The following PPP2R2B variants were observed in gnomAD, a reference collection of about 807,000 sequenced individuals.
PPP2R2B encodes the protein protein phosphatase 2 regulatory subunit Bbeta, also known as serine/threonine-protein phosphatase 2A 55 kDa regulatory subunit B beta isoform.
In PPP2R2B, 5 loss-of-function variants were observed where a neutral mutation model predicts 46.0. The ratio of observed to expected loss-of-function variants is 0.11; its 90% CI spans 0.06 to 0.23. The LOEUF is 0.23. Ranked by LOEUF, PPP2R2B falls within the 10% of genes least tolerant of loss-of-function variation. PPP2R2B has a pLI of 1.00. For missense variants in PPP2R2B, 367 were observed against 575.0 expected, an observed-to-expected ratio of 0.64 and a Z score of 3.70; for synonymous variants, 215 against 206.7, an observed-to-expected ratio of 1.04 and a Z score of -0.34.
At chr5:146,990,834 A>G (rs556388525) in intron 1 of PPP2R2B, among the ~76,000 whole-genome samples, 8 of 152,246 alleles carry the variant, frequency 5.3e-5, no homozygotes, top group Admixed American at 2.6e-4. Flanking sequence ...TATTCAGAAT[A>G]TATAAGAAAC....
chr5:146,831,197 A>G (rs1386481775), intron 2 of PPP2R2B, among the ~76,000 whole-genome samples: 1 of 152,170 alleles, frequency 6.6e-6, no homozygotes, highest in African/African-American at 2.4e-5. Flanking sequence ...GTTAACCTTT[A>G]TTAAAAAGTC....
chr5:147,072,739 C>A (rs2151911668), intron 2 of PPP2R2B, among the ~76,000 whole-genome samples: 1 of 152,316 alleles, frequency 6.6e-6, no homozygotes, highest in South Asian at 2.1e-4. Flanking sequence ...TATTGTGCAG[C>A]ACTTTCAAAG....
At chr5:146,651,294 T>C (rs1775940096) in intron 5 of PPP2R2B, among the ~76,000 whole-genome samples, 1 of 152,206 alleles carries the variant, frequency 6.6e-6, no homozygotes, top group Admixed American at 6.5e-5. Context: ...CAATGACATC[T>C]GACTGAGAAA....
chr5:146,706,819 C>A, intron 2 of PPP2R2B: 2 of 928,408 alleles, frequency 2.2e-6, no homozygotes, highest in Non-Finnish European at 1.8e-6. Context: ...TCTCCTCGTA[C>A]TGTACCTTGA....
intron 1 of PPP2R2B, among the ~76,000 whole-genome samples, chr5:147,050,465 A>C (rs1756755040): frequency 6.6e-6 from 1 of 152,178 alleles, no homozygotes; most frequent in Non-Finnish European, 1.5e-5. Context: ...GAAAAATAAG[A>C]ATCCATAAAT....
At chr5:146,688,780 T>C (rs1191806921) in intron 5 of PPP2R2B, among the ~76,000 whole-genome samples, 3 of 152,104 alleles carry the variant, frequency 2.0e-5, no homozygotes, top group Non-Finnish European at 4.4e-5. Flanking sequence ...TAGGATGCCA[T>C]GGACAGTAGG....
chr5:146,892,262 C>G (rs561091192), intron 1 of PPP2R2B, among the ~76,000 whole-genome samples: 1 of 152,236 alleles, frequency 6.6e-6, no homozygotes, highest in African/African-American at 2.4e-5. Context: ...AGCAAATTCT[C>G]TTAACTTTTC....
chr5:146,848,188 T>C (rs1466968167), intron 2 of PPP2R2B, among the ~76,000 whole-genome samples: 3 of 152,214 alleles, frequency 2.0e-5, no homozygotes, highest in Non-Finnish European at 2.9e-5. Flanking sequence ...AGATTTAGAT[T>C]GACAGAAAAA....
intron 2 of PPP2R2B, among the ~76,000 whole-genome samples, chr5:146,757,009 C>T (rs1753875810): frequency 6.6e-6 from 1 of 152,120 alleles, no homozygotes; most frequent in South Asian, 2.1e-4. Context: ...GAATGAAGCT[C>T]TGAGTGAGAG....
chr5:146,997,541 G>C (rs1225882630), intron 1 of PPP2R2B, among the ~76,000 whole-genome samples: 1 of 152,142 alleles, frequency 6.6e-6, no homozygotes, highest in African/African-American at 2.4e-5. Context: ...ACTGGGGATG[G>C]GGCCCAGCAC....
intron 7 of PPP2R2B, among the ~76,000 whole-genome samples, chr5:146,625,317 T>C (rs1241520211): frequency 6.6e-6 from 1 of 151,936 alleles, no homozygotes; most frequent in Non-Finnish European, 1.5e-5. Flanking sequence ...TTTATTATAC[T>C]GTGTGTGTGT....
intron 1 of PPP2R2B, among the ~76,000 whole-genome samples, chr5:146,968,359 A>G (rs1752529347): frequency 1.3e-5 from 2 of 152,214 alleles, no homozygotes; most frequent in Admixed American, 1.3e-4. Flanking sequence ...TACATTTGCT[A>G]AGTATCACCT....
intron 2 of PPP2R2B, among the ~76,000 whole-genome samples, chr5:146,844,591 G>C (rs148494564): frequency 1.3e-5 from 2 of 152,088 alleles, no homozygotes; most frequent in African/African-American, 4.8e-5. Context: ...CTGCATGCCC[G>C]GATCCATTCT....
At chr5:146,788,406 T>A (rs1755981432) in intron 2 of PPP2R2B, among the ~76,000 whole-genome samples, 1 of 151,186 alleles carries the variant, frequency 6.6e-6, no homozygotes, top group Admixed American at 6.6e-5. Context: ...CAACCTACAA[T>A]CTTAACATTA....
At chr5:146,646,047 T>A (rs1048631028) in intron 6 of PPP2R2B, among the ~76,000 whole-genome samples, 16 of 152,350 alleles carry the variant, frequency 1.1e-4, no homozygotes, top group African/African-American at 2.6e-4. Flanking sequence ...GCAGGATTTT[T>A]AAAAATGCAT....
chr5:146,593,837 C>A (rs1770906149), intron 8 of PPP2R2B, among the ~76,000 whole-genome samples: 1 of 152,104 alleles, frequency 6.6e-6, no homozygotes, highest in Non-Finnish European at 1.5e-5. Context: ...GAAGAAGAGA[C>A]CTCACAGAAA....
chr5:146,597,143 TTC>T (rs1254696389), intron 8 of PPP2R2B, among the ~76,000 whole-genome samples: 8 of 152,338 alleles, frequency 5.3e-5, no homozygotes, highest in Admixed American at 5.2e-4. Context: ...CCATCAAAAG[TTC>T]TGAGTCCCTA....
intron 2 of PPP2R2B, among the ~76,000 whole-genome samples, chr5:146,759,203 G>A (rs1402273228): frequency 6.6e-6 from 1 of 152,078 alleles, no homozygotes; most frequent in African/African-American, 2.4e-5. Context: ...ATTGTTCCAG[G>A]AAGTTACATA....
intron 5 of PPP2R2B, among the ~76,000 whole-genome samples, chr5:146,672,976 A>C (rs1482727521): frequency 6.6e-6 from 1 of 152,214 alleles, no homozygotes; most frequent in East Asian, 1.9e-4. Flanking sequence ...TTAAGGTTGC[A>C]GGGAAGCTAA....
Sources: gnomAD v4.1 joint callset for allele counts (sites outside exome capture counted in the v4.1 genomes callset) on GRCh38, gnomAD v4.1.1 for gene constraint, MANE v1.5 for transcripts, NCBI Gene and HGNC (gene_info 2026-07-23, HGNC 2026-07-21) for gene names.